The following DCTN3 variants were observed in gnomAD, a reference collection of about 807,000 sequenced individuals.
DCTN3 encodes the protein dynactin 3 (p22).
In DCTN3, 25 loss-of-function variants were observed where a neutral mutation model predicts 28.4. The observed-to-expected ratio is 0.88, with a 90% confidence interval of 0.64 to 1.23. The LOEUF (loss-of-function observed/expected upper bound fraction) is 1.23, where lower values mean the gene tolerates loss of function less well. Ranked by LOEUF, DCTN3 falls within the 50% of genes most tolerant of loss-of-function variation. The probability of loss-of-function intolerance (pLI) is 0.00; values close to 1 mark genes in which losing one functional copy is unlikely to be tolerated. For synonymous variants in DCTN3, 81 were observed against 91.4 expected, an observed-to-expected ratio of 0.89 and a Z score of 0.65; for missense variants, 229 against 232.0, an observed-to-expected ratio of 0.99 and a Z score of 0.08.
rs1261942009 is a variant in DCTN3 at position 34,616,685 on chromosome 9, G to A, written c.269-572C>T. 1.3e-5 allele frequency: 2 copies of A among 152,436 alleles called. No homozygotes were observed. Among genetic ancestry groups the A allele is most frequent in the Non-Finnish European group, 2.9e-5 (2 of 68,230 alleles). The allele number at this position is 152,436 out of a possible 1,614,324, so 9.4% of individuals were successfully genotyped here. Reference sequence around the variant, plus strand: ...AGTGGGAAGGGTATTCAAGAGAGAGGACTGTTACGTGCAAATGCTTAGAGG... The same window carrying A: ...AGTGGGAAGGGTATTCAAGAGAGAGAACTGTTACGTGCAAATGCTTAGAGG... On this transcript the variant is annotated intron_variant, in intron 3 of 6. Coordinates refer to ENST00000259632, the MANE Select transcript of DCTN3 (RefSeq NM_007234.5). The surrounding 1 kb of genome is among the most constrained non-coding windows in gnomAD (Gnocchi z 4.7).
rs901271289 is a variant in DCTN3, at chr9:34,613,592, T to TG, written c.*189dup. On this transcript the variant is annotated 3_prime_UTR_variant, in exon 7 of 7. Transcript: ENST00000259632. ...TTGTCACTGAAATAAGAACACTGATTGGGGGGAGGGTGGGTGTTGCAAATT... is the reference window on the plus strand; with the variant it reads ...TTGTCACTGAAATAAGAACACTGATTGGGGGGGAGGGTGGGTGTTGCAAATT... 1 of 523,910 alleles carries TG rather than the reference T, an allele frequency of 1.9e-6. No homozygotes were observed. 32.5% of individuals were successfully genotyped at this position (523,910 alleles called of 1,614,324 possible).
At chr9:34,613,972 T>C in intron 6 of DCTN3, 70 bp downstream of exon 6, 2 of 1,607,618 alleles carry the variant, frequency 1.2e-6, no homozygotes, top group Non-Finnish European at 1.7e-6. Context: ...GAGAGAGAGC[T>C]AGAGGTGGAA....
At chr9:34,617,189 A>G (rs890534009) in intron 3 of DCTN3, among the ~76,000 whole-genome samples, 4 of 152,032 alleles carry the variant, frequency 2.6e-5, no homozygotes, top group African/African-American at 9.7e-5. Context: ...TCAGTGCTGC[A>G]TTGCACTGAT....
At position 34,613,851 on chromosome 9, in the gene DCTN3, T is replaced by C. The variant is rs751688962; in HGVS notation, c.492A>G (p.Gln164=). The change falls in exon 7 of 7, where the codon CAA becomes CAG. Residue 164 remains glutamine, a synonymous_variant. Coordinates refer to ENST00000259632, the MANE Select transcript of DCTN3 (RefSeq NM_007234.5). ...AAAGTAGCTCATCCCACTGCACGAA[T>C]TGCTTGGAGAGAAGCATTGTCTGGT... ...YNKTTMLLSK[Q]FVQWDELLCQ... is the part of the protein sequence containing the mutation. The C allele has an allele frequency of 1.9e-5, 30 of 1,613,998 alleles. No individual in the cohort carries two copies. In the Admixed American group the frequency reaches 3.0e-4, roughly 16 times the overall value.
chr9:34,614,704 C>A lies in DCTN3; in HGVS notation c.411+6G>T. 1 of 1,614,118 alleles carries A rather than the reference C, an allele frequency of 6.2e-7. No homozygotes were observed. Among genetic ancestry groups the A allele is most frequent in the Non-Finnish European group, 8.5e-7 (1 of 1,180,048 alleles). On this transcript the variant is annotated splice_donor_region_variant and intron_variant, in intron 5 of 6. Coordinates refer to ENST00000259632, the MANE Select transcript of DCTN3 (RefSeq NM_007234.5). Reference sequence around the variant, plus strand: ...TCTTCGCTTCTAGTCATCTCCCCTCCCATACCTGCTGCTGAATGTGGATCT... The same window carrying A: ...TCTTCGCTTCTAGTCATCTCCCCTCACATACCTGCTGCTGAATGTGGATCT...
rs964125929 is a variant in DCTN3, at chr9:34,616,846, A to G, written c.269-733T>C. ...GCTTTGAATGGCAGACTATGGAATT[A>G]GGACTTTATCCTAGCAAGGCAGGAT... On this transcript the variant is annotated intron_variant, in intron 3 of 6. Coordinates refer to ENST00000259632, the MANE Select transcript of DCTN3 (RefSeq NM_007234.5). The surrounding 1 kb of genome is among the most constrained non-coding windows in gnomAD (Gnocchi z 4.7). 1.3e-5 allele frequency: 2 copies of G among 152,286 alleles called. No homozygotes were observed. Among genetic ancestry groups the G allele is most frequent in the Non-Finnish European group, 2.9e-5 (2 of 68,084 alleles). The allele number at this position is 152,286 out of a possible 1,614,324, so 9.4% of individuals were successfully genotyped here.
intron 5 of DCTN3, 57 bp downstream of exon 5, chr9:34,614,653 T>A (rs972709292): frequency 1.9e-6 from 3 of 1,599,166 alleles, no homozygotes; most frequent in Non-Finnish European, 2.6e-6. Context: ...TGGCATGAGT[T>A]GGGATGAGGT....
intron 4 of DCTN3, 106 bp downstream of exon 4, chr9:34,615,924 A>G: frequency 5.9e-6 from 5 of 849,354 alleles, no homozygotes; most frequent in Non-Finnish European, 9.2e-6. Flanking sequence ...AAGATAAGGA[A>G]CAGACCCAAC....
chr9:34,620,429 G>C lies in DCTN3; in HGVS notation c.36C>G (p.Ala12=). The C allele has an allele frequency of 6.4e-7, 1 of 1,560,706 alleles. No homozygotes were observed. The highest frequency in any genetic ancestry group is 1.9e-5 in the Admixed American group (1 of 52,096). Residue 12 remains alanine, a synonymous_variant, in exon 1 of 7, where the codon GCC becomes GCG. Coordinates refer to ENST00000259632, the MANE Select transcript of DCTN3 (RefSeq NM_007234.5). ...AGLTDLQRLQ[A]RVEELERWVY... is the part of the protein sequence containing the mutation. ...CCCAGCGCTCCAGCTCTTCCACTCG[G>C]GCCTGTAGCCGCTGCAAGTCAGTCA...
chr9:34,618,787 A>C (rs1411283273), intron 1 of DCTN3, 27 bp from the exon 2 acceptor site: 6 of 1,561,234 alleles, frequency 3.8e-6, no homozygotes, highest in Non-Finnish European at 5.3e-6. Flanking sequence ...GGTTAATTCC[A>C]AGATATACTA....
At chr9:34,615,740 C>T (rs1358693005) in intron 4 of DCTN3, 4 of 253,576 alleles carry the variant, frequency 1.6e-5, no homozygotes, top group East Asian at 9.7e-5. Flanking sequence ...GGTGAAACCC[C>T]GTCTCTACTA....
Position 34,613,801 on chromosome 9 carries a change from A to C in DCTN3, c.542T>G (p.Val181Gly), listed in dbSNP as rs1278394728. The change falls in exon 7 of 7, where the codon GTG (valine) becomes GGG (glycine). Residue 181 changes from valine (V) to glycine (G), a missense_variant. By Grantham distance (109) the Val-to-Gly change is moderately radical (BLOSUM62 -3). Transcript: ENST00000259632. ...LLCQLEAATQ[V>G]KPAEE ...CAGCTATCACTCCTCTGCTGGCTTC[A>C]CTTGCGTGGCGGCCTCTAGCTGGCA... 6.2e-7 allele frequency: 1 copy of C among 1,614,046 alleles called. No homozygotes were observed. The highest frequency in any genetic ancestry group is 8.5e-7 in the Non-Finnish European group (1 of 1,179,952).
At chr9:34,618,530 G>C in intron 2 of DCTN3, 146 bp downstream of exon 2, 1 of 672,176 alleles carries the variant, frequency 1.5e-6, no homozygotes, top group South Asian at 1.7e-5. Flanking sequence ...TTTACCAATT[G>C]AATTGGGTGT....
In DCTN3 at chr9:34,618,778, G is replaced by T; in HGVS notation, c.97-18C>A. ...TCAGCCACCTGTAAGGGAAGTGGTG[G>T]TTAATTCCAAGATATACTACCTGGC... is the stretch of plus-strand genomic sequence containing the variant. On this transcript the variant is annotated intron_variant, in intron 1 of 6. Coordinates refer to ENST00000259632, the MANE Select transcript of DCTN3 (RefSeq NM_007234.5). 3 of 1,604,562 alleles carry T rather than the reference G, an allele frequency of 1.9e-6. No homozygotes were observed. Among genetic ancestry groups the T allele is most frequent in the Non-Finnish European group, 2.6e-6 (3 of 1,171,320 alleles).
At position 34,613,673 on chromosome 9, in the gene DCTN3, G is replaced by A; in HGVS notation, c.*109C>T. ...TAGAGCCCAGAGTACAGAGAGGTGG[G>A]CCTTGAAGCCAATAAATACAAAGCT... On this transcript the variant is annotated 3_prime_UTR_variant, in exon 7 of 7. Coordinates refer to ENST00000259632, the MANE Select transcript of DCTN3 (RefSeq NM_007234.5). 1 of 1,449,104 alleles carries A rather than the reference G, an allele frequency of 6.9e-7. No homozygotes were observed. Among genetic ancestry groups the A allele is most frequent in the South Asian group, 1.3e-5 (1 of 78,446 alleles). 89.8% of individuals were successfully genotyped at this position (1,449,104 alleles called of 1,614,324 possible).
At chr9:34,614,903 G>T (rs1820389086) in intron 4 of DCTN3, 135 bp from the exon 5 acceptor site, 1 of 1,066,488 alleles carries the variant, frequency 9.4e-7, no homozygotes, top group Non-Finnish European at 1.4e-6. Context: ...ATCGACTGCT[G>T]CAGCTGGAGG....
At chr9:34,618,790 A>C (rs747558019) in intron 1 of DCTN3, 30 bp from the exon 2 acceptor site, 2 of 1,552,158 alleles carry the variant, frequency 1.3e-6, no homozygotes, top group African/African-American at 2.7e-5. Flanking sequence ...TAATTCCAAG[A>C]TATACTACCT....
Position 34,616,108 on chromosome 9 carries a change from G to C in DCTN3, c.274C>G (p.Gln92Glu). ...AGTGCAACCTGGGAAAGGATAAACT[G>C]CTCCTCTAAAGCAAAAATGGACAAG... ...SKLQFILAEE[Q>E]FILSQVALLE... The change falls in exon 4 of 7, where the codon CAG becomes GAG. Residue 92 changes from glutamine (Q) to glutamate (E), a missense_variant. Transcript: ENST00000259632. This position sits in a 1 kb window ranked among gnomAD's most constrained non-coding sequence, Gnocchi z 4.7. The C allele has an allele frequency of 6.2e-7, 1 of 1,613,838 alleles. No individual in the cohort carries two copies.
At position 34,614,658 on chromosome 9, in the gene DCTN3, T is replaced by A. The variant is rs1564086633; in HGVS notation, c.411+52A>T. On this transcript the variant is annotated intron_variant, in intron 5 of 6. Coordinates refer to ENST00000259632, the MANE Select transcript of DCTN3 (RefSeq NM_007234.5). The stretch of plus-strand genomic sequence containing the variant: ...CTTCCCCAGGTGGCATGAGTTGGGA[T>A]GAGGTGCTGCGCCACCTCCATCTTC... 1.9e-6 allele frequency: 3 copies of A among 1,593,056 alleles called. No homozygotes were observed. The South Asian group carries it at 3.3e-5, about 18-fold the overall frequency.
Sources: allele counts gnomAD v4.1 joint callset (sites outside exome capture counted in the v4.1 genomes callset), GRCh38; gene constraint gnomAD v4.1.1; non-coding constraint Gnocchi (gnomAD v3.1); transcripts MANE v1.5; gene names NCBI Gene and HGNC (gene_info 2026-07-23, HGNC 2026-07-21).